Variants in GLYATL2 observed in about 807,000 individuals in gnomAD.
GLYATL2 encodes the protein glycine N-acyltransferase-like protein 2.
Under a neutral mutation model 21.4 loss-of-function variants are expected in GLYATL2, and 25 were observed. That is an observed-to-expected ratio of 1.17 (90% CI 0.85 to 1.63). GLYATL2 has a LOEUF of 1.63. Ranked by LOEUF, GLYATL2 falls within the 40% of genes most tolerant of loss-of-function variation. The pLI, the probability that GLYATL2 is intolerant of heterozygous loss-of-function variation, is 0.00. For synonymous variants in GLYATL2, 114 were observed against 118.2 expected, an observed-to-expected ratio of 0.96 and a Z score of 0.23; for missense variants, 361 against 343.3, an observed-to-expected ratio of 1.05 and a Z score of -0.41.
chr11:58,879,851 CTTG>C (rs1480922240), intron 1 of GLYATL2, among the ~76,000 whole-genome samples: 1 of 98,818 alleles, frequency 1.0e-5, no homozygotes, highest in Non-Finnish European at 1.9e-5. Flanking sequence ...TCTTTTTTTC[CTTG>C]TTTTTTTTTT....
intron 1 of GLYATL2, among the ~76,000 whole-genome samples, chr11:58,872,028 T>C (rs1854131430): frequency 6.6e-6 from 1 of 152,266 alleles, no homozygotes; most frequent in Non-Finnish European, 1.5e-5. Flanking sequence ...ATTTCTCTGA[T>C]GGCCAGTGAT....
At position 58,900,664 on chromosome 11, in the gene GLYATL2, G is replaced by A. The variant is rs573928699; in HGVS notation, n.60+3492C>T. Among the ~76,000 whole-genome samples, 7 of 152,240 alleles carry A rather than the reference G, an allele frequency of 4.6e-5. No homozygotes were observed. The South Asian group carries it at 1.2e-3, about 27-fold the overall frequency. On this transcript the variant is annotated intron_variant and non_coding_transcript_variant, in intron 1 of 4. Coordinates refer to the GLYATL2 transcript ENST00000533636. ...ACTGAGAAGGTTAATTGACAAAGAG[G>A]GTTGAGCCACTATGAGCCGAAGCAA...
At chr11:58,843,943 G>C (rs1370848381) in intron 1 of GLYATL2, among the ~76,000 whole-genome samples, 3 of 152,156 alleles carry the variant, frequency 2.0e-5, no homozygotes, top group Non-Finnish European at 4.4e-5. Context: ...TAGGATACCA[G>C]TTGCCAAATG....
At chr11:58,900,830 T>A (rs761385908) in intron 1 of GLYATL2, among the ~76,000 whole-genome samples, 2 of 152,162 alleles carry the variant, frequency 1.3e-5, no homozygotes, top group African/African-American at 4.8e-5. Context: ...TCATGGAAGC[T>A]ACCATTGGCT....
At chr11:58,841,869 G>A (rs539392844) in intron 1 of GLYATL2, among the ~76,000 whole-genome samples, 23 of 152,316 alleles carry the variant, frequency 1.5e-4, no homozygotes, top group African/African-American at 5.1e-4. Flanking sequence ...TTTGGAGTTA[G>A]GAGTTGATTA....
At chr11:58,888,851 T>G (rs1174903770) in intron 1 of GLYATL2, among the ~76,000 whole-genome samples, 1 of 151,934 alleles carries the variant, frequency 6.6e-6, no homozygotes, top group African/African-American at 2.4e-5. Context: ...TTACTTTCCT[T>G]TTTCTTATAA....
intron 1 of GLYATL2, among the ~76,000 whole-genome samples, chr11:58,873,886 G>A (rs1373880517): frequency 2.6e-5 from 4 of 152,090 alleles, no homozygotes; most frequent in Non-Finnish European, 5.9e-5. Context: ...TGTACTTCTG[G>A]TAGAATTCGG....
At chr11:58,909,300 G>A in the GLYATL2 span, among the ~76,000 whole-genome samples, 65 of 152,276 alleles carry the variant, frequency 4.3e-4, no homozygotes, top group African/African-American at 1.4e-3. Context: ...AGGTGAATAA[G>A]TTCTCAAGAT....
intron 1 of GLYATL2, among the ~76,000 whole-genome samples, chr11:58,882,446 A>C (rs1049275602): frequency 6.6e-6 from 1 of 152,038 alleles, no homozygotes; most frequent in African/African-American, 2.4e-5. Context: ...TTTTTCTTAT[A>C]AATTTTTCTG....
intron 1 of GLYATL2, chr11:58,893,140 T>C (rs1854574237): frequency 5.0e-6 from 2 of 401,582 alleles, no homozygotes; most frequent in Admixed American, 3.5e-5. Flanking sequence ...GAGCCTTCCT[T>C]ACATCAAGCG....
At chr11:58,905,316 G>A, upstream of GLYATL2, 1 of 391,618 alleles carries the variant, frequency 2.6e-6, no homozygotes, top group Non-Finnish European at 5.2e-6. Flanking sequence ...CCTGCTCTGC[G>A]ACTTGCAGTC....
rs752052415 is a variant in GLYATL2 at position 58,837,187 on chromosome 11, G to A, written c.314-10C>T. ...AAGCCCTCTTGGCAACCTGGAGAAA[G>A]GAGAAAGACAAGTACCACTTTATGC... On this transcript the variant is annotated splice_polypyrimidine_tract_variant and intron_variant, in intron 4 of 5. Transcript: ENST00000287275. 3 of 1,613,174 alleles carry A rather than the reference G, an allele frequency of 1.9e-6. No individual in the cohort carries two copies. The highest frequency in any genetic ancestry group is 2.7e-5 in the African/African-American group (2 of 74,856).
Position 58,866,888 on chromosome 11 carries a change from C to A in GLYATL2, n.61-28520G>T, listed in dbSNP as rs776542995. Among the ~76,000 whole-genome samples, 7 of 149,270 alleles carry A rather than the reference C, an allele frequency of 4.7e-5. 1 individual carries two copies. Among genetic ancestry groups the A allele is most frequent in the Non-Finnish European group, 8.9e-5 (6 of 67,214 alleles). ...TGCAAAGGCAAGTGTCCTCAGAATC[C>A]TAGGAAGTTTTCAGATGTTATGGAT... On this transcript the variant is annotated intron_variant and non_coding_transcript_variant, in intron 1 of 4. Transcript: ENST00000533636.
At chr11:58,906,704 C>A (rs1475799585), upstream of GLYATL2, among the ~76,000 whole-genome samples, 1 of 152,204 alleles carries the variant, frequency 6.6e-6, no homozygotes, top group Non-Finnish European at 1.5e-5. Flanking sequence ...CTGCTGAGCT[C>A]TTTCCCATCT....
chr11:58,878,440 T>C (rs1183268280), intron 1 of GLYATL2: 1 of 373,046 alleles, frequency 2.7e-6, no homozygotes, highest in Non-Finnish European at 4.3e-6. Flanking sequence ...TCTCTGAATT[T>C]CCTTGAGCAA....
At chr11:58,835,332 C>T (rs1170342369) in intron 5 of GLYATL2, among the ~76,000 whole-genome samples, 1 of 152,150 alleles carries the variant, frequency 6.6e-6, no homozygotes, top group African/African-American at 2.4e-5. Flanking sequence ...TTCATGTGTC[C>T]CAAAGCCCTT....
intron 1 of GLYATL2, chr11:58,893,127 G>T: frequency 2.5e-6 from 1 of 405,370 alleles, no homozygotes; most frequent in East Asian, 4.2e-5. Context: ...GGAAGAATGA[G>T]AGGAGCCTTC....
At chr11:58,839,498 A>G in intron 2 of GLYATL2, 37 bp downstream of exon 2, 1 of 1,344,580 alleles carries the variant, frequency 7.4e-7, no homozygotes, top group Non-Finnish European at 1.1e-6. Flanking sequence ...TCTCAACTCA[A>G]CCCTCTCTCT....
intron 1 of GLYATL2, among the ~76,000 whole-genome samples, chr11:58,858,406 A>G (rs564619199): frequency 6.6e-6 from 1 of 152,188 alleles, no homozygotes; most frequent in Non-Finnish European, 1.5e-5. Context: ...TTAAATTTAG[A>G]TAATGCTTTG....
Sources: allele counts gnomAD v4.1 joint callset (sites outside exome capture counted in the v4.1 genomes callset), GRCh38; gene constraint gnomAD v4.1.1; transcripts MANE v1.5; gene names NCBI Gene and HGNC (gene_info 2026-07-23, HGNC 2026-07-21).